The following NCOA6 variants were observed in gnomAD, a reference collection of about 807,000 sequenced individuals.
The protein encoded by NCOA6 is nuclear receptor coactivator 6, also known as NRC RAP250.
Under a neutral mutation model 171.4 loss-of-function variants are expected in NCOA6, and 49 were observed. The observed-to-expected ratio is 0.29, with a 90% CI of 0.23 to 0.36. NCOA6 has a LOEUF of 0.36. NCOA6 is among the 10% of genes least tolerant of loss of function. The pLI is 1.00. For synonymous variants in NCOA6, 910 were observed against 927.5 expected (o/e 0.98, Z 0.34); for missense variants, 2,248 against 2,554.5 (o/e 0.88, Z 2.59).
intron 9 of NCOA6, 45 bp from the exon 10 acceptor site, chr20:34,746,973 T>C (rs754514259): frequency 1.4e-6 from 2 of 1,449,488 alleles, no homozygotes; most frequent in Non-Finnish European, 1.8e-6. Context: ...TTAGAATAAG[T>C]TGTATAGAAA....
chr20:34,727,860 A>G (rs1990157945), intron 13 of NCOA6, among the ~76,000 whole-genome samples: 1 of 151,726 alleles, frequency 6.6e-6, no homozygotes, highest in African/African-American at 2.4e-5. Context: ...AGTAGCTGGG[A>G]CTACAGCCAT....
In NCOA6 at chr20:34,731,814, A is replaced by C. The variant is rs547070554; in HGVS notation, c.5999+745T>G. 4.6e-5 allele frequency among the ~76,000 whole-genome samples: 7 copies of C among 152,324 alleles called. No homozygotes were observed. The East Asian group carries it at 9.6e-4, about 21-fold the overall frequency. Reference sequence around the variant, plus strand: ...GACGGGTGGATCACTTGAGGTCAGGAGTTCAAGACCAGCCTGGCCAATGTG... The same window carrying C: ...GACGGGTGGATCACTTGAGGTCAGGCGTTCAAGACCAGCCTGGCCAATGTG... On this transcript the variant is annotated intron_variant, in intron 13 of 14. Coordinates refer to ENST00000359003, the MANE Select transcript of NCOA6 (RefSeq NM_014071.5).
In NCOA6 at chr20:34,801,872, A is replaced by G. The variant is rs150213963; in HGVS notation, c.-163-9309T>C. Among the ~76,000 whole-genome samples the G allele has an allele frequency of 9.2e-3, 1,403 of 152,236 alleles. 28 individuals are homozygous for G. Among genetic ancestry groups the G allele is most frequent in the African/African-American group, 0.032 (1,333 of 41,534 alleles). On this transcript the variant is annotated intron_variant, in intron 1 of 14. Coordinates refer to ENST00000359003, the MANE Select transcript of NCOA6 (RefSeq NM_014071.5). ...AGAGACTCCATCTCAAAAACAAAAC[A>G]AAACAAAACAAAAAACAAGATCAAA... is the stretch of plus-strand genomic sequence containing the variant.
At chr20:34,748,024 G>A (rs974639480) in intron 9 of NCOA6, among the ~76,000 whole-genome samples, 20 of 152,120 alleles carry the variant, frequency 1.3e-4, no homozygotes, top group African/African-American at 4.8e-4. Flanking sequence ...TACTTTTCCT[G>A]TAAATCCACT....
rs531004324 is a variant in NCOA6 at position 34,742,049 on chromosome 20, CAGT to C, written c.4204_4206del (p.Thr1402del). 649 of 1,614,200 alleles carry C rather than the reference CAGT, an allele frequency of 4.0e-4. 3 individuals carry two copies. The African/African-American group carries it at 7.8e-3, about 19-fold the overall frequency. ...ACACCCCCAACTGCAGCCACAGACA[CAGT>C]AGAATTCTGAGGATTCAGCCCACTG... On this transcript the variant is annotated inframe_deletion, in exon 11 of 15. Coordinates refer to ENST00000359003, the MANE Select transcript of NCOA6 (RefSeq NM_014071.5).
intron 14 of NCOA6, 28 bp from the exon 15 acceptor site, chr20:34,715,393 G>C: frequency 6.4e-7 from 1 of 1,557,828 alleles, no homozygotes; most frequent in Middle Eastern, 1.7e-4. Flanking sequence ...GACATGTTCA[G>C]TGGAAGTAAC....
chr20:34,760,491 G>A (rs930029973), intron 5 of NCOA6, among the ~76,000 whole-genome samples: 2 of 152,170 alleles, frequency 1.3e-5, no homozygotes, highest in Non-Finnish European at 2.9e-5. Context: ...TTTTGGCATC[G>A]AGGTGAAAAT....
At chr20:34,807,870 C>T (rs1334526740) in intron 1 of NCOA6, among the ~76,000 whole-genome samples, 6 of 144,008 alleles carry the variant, frequency 4.2e-5, no homozygotes, top group South Asian at 5.1e-4. Context: ...ATCTTGCTGG[C>T]GGGGCCTGGT....
chr20:34,771,167 G>A (rs774683853), intron 4 of NCOA6, among the ~76,000 whole-genome samples: 11 of 152,244 alleles, frequency 7.2e-5, no homozygotes, highest in Non-Finnish European at 1.3e-4. Context: ...GCTCAGGCTG[G>A]AGTGCAGTGG....
chr20:34,726,637 T>A (rs1276810886), intron 14 of NCOA6, among the ~76,000 whole-genome samples: 1 of 151,998 alleles, frequency 6.6e-6, no homozygotes, highest in East Asian at 1.9e-4. Context: ...ATAGAAACAT[T>A]AGCCAGGTGA....
rs771942219 is a variant in NCOA6, at chr20:34,749,423, T to C, written c.2772A>G (p.Lys924=). 3 of 1,605,162 alleles carry C rather than the reference T, an allele frequency of 1.9e-6. No homozygotes were observed. In the African/African-American group the frequency reaches 4.0e-5, roughly 22 times the overall value. Residue 924 remains lysine (K), a synonymous_variant, in exon 9 of 15, where the codon AAA becomes AAG. Coordinates refer to ENST00000359003, the MANE Select transcript of NCOA6 (RefSeq NM_014071.5). ...CCTACTTTAGATCTTGCTGACTATTTTTCTTCTTCCGAGGGGGTTTCTTCT... is the reference window on the plus strand; with the variant it reads ...CCTACTTTAGATCTTGCTGACTATTCTTCTTCTTCCGAGGGGGTTTCTTCT... The part of the protein sequence containing the change: ...PKKKKPPRKK[K]NSQQDLNTPD...
At chr20:34,759,417 A>C (rs539998012) in intron 5 of NCOA6, among the ~76,000 whole-genome samples, 2 of 121,042 alleles carry the variant, frequency 1.7e-5, no homozygotes, top group South Asian at 4.6e-4. Context: ...ATATATGTAG[A>C]TACAGCAGAA....
intron 2 of NCOA6, among the ~76,000 whole-genome samples, chr20:34,789,396 C>T (rs942177852): frequency 6.6e-6 from 1 of 152,176 alleles, no homozygotes; most frequent in Admixed American, 6.5e-5. Context: ...GCATCAAATG[C>T]CTGACATTGT....
chr20:34,731,720 C>G (rs1256718929), intron 13 of NCOA6, among the ~76,000 whole-genome samples: 1 of 152,152 alleles, frequency 6.6e-6, no homozygotes, highest in Non-Finnish European at 1.5e-5. Context: ...AAATATTATC[C>G]AGTGCATTCC....
At chr20:34,780,699 C>T (rs929768967) in intron 3 of NCOA6, among the ~76,000 whole-genome samples, 2 of 151,460 alleles carry the variant, frequency 1.3e-5, no homozygotes, top group Admixed American at 6.6e-5. Context: ...GTCACACAGG[C>T]TGGAGTGCAG....
intron 5 of NCOA6, among the ~76,000 whole-genome samples, chr20:34,767,355 G>T (rs2077010397): frequency 6.6e-6 from 1 of 152,086 alleles, no homozygotes; most frequent in Non-Finnish European, 1.5e-5. Flanking sequence ...GGAGTGCAGG[G>T]TGCGATCTCG....
At chr20:34,787,703 G>A (rs561607184) in intron 2 of NCOA6, among the ~76,000 whole-genome samples, 34 of 152,096 alleles carry the variant, frequency 2.2e-4, no homozygotes, top group Non-Finnish European at 4.6e-4. Context: ...TCTTGGCTTC[G>A]CCCAGGAGAA....
intron 5 of NCOA6, among the ~76,000 whole-genome samples, chr20:34,761,150 G>C (rs1432782710): frequency 6.6e-6 from 1 of 152,096 alleles, no homozygotes; most frequent in Non-Finnish European, 1.5e-5. Flanking sequence ...TGGTTTTGCT[G>C]TTCTGTTGTT....
chr20:34,754,086 A>G (rs1474284241), intron 8 of NCOA6, among the ~76,000 whole-genome samples: 1 of 152,248 alleles, frequency 6.6e-6, no homozygotes, highest in Non-Finnish European at 1.5e-5. Flanking sequence ...TGTTGGTAGT[A>G]AACGTGAACT....
Sources: allele counts gnomAD v4.1 joint callset (sites outside exome capture counted in the v4.1 genomes callset), GRCh38; gene constraint gnomAD v4.1.1; transcripts MANE v1.5; gene names NCBI Gene and HGNC (gene_info 2026-07-23, HGNC 2026-07-21).